The following CTNNA2 variants were observed in gnomAD, a reference collection of about 807,000 sequenced individuals.
The protein encoded by CTNNA2 is catenin alpha-2.
CTNNA2 carries 42 observed loss-of-function variants against 101.0 expected under a neutral mutation model. The observed-to-expected ratio is 0.42, with a 90% CI of 0.32 to 0.54. The LOEUF (loss-of-function observed/expected upper bound fraction) is 0.54, where lower values mean the gene tolerates loss of function less well. Ranked by LOEUF, CTNNA2 falls within the 20% of genes least tolerant of loss-of-function variation. The pLI is 0.14. For missense variants in CTNNA2, 871 were observed against 1,223.1 expected, an observed-to-expected ratio of 0.71 and a Z score of 4.29; for synonymous variants, 450 against 456.4, an observed-to-expected ratio of 0.99 and a Z score of 0.18.
rs116464710 is a variant in CTNNA2 at position 79,889,309 on chromosome 2, A to G, written c.852+14967A>G. ...TATTATGGAAACTTCACTATAACCTATTGAGTCCCATTCTTTATTTCCCCA... is the reference window on the plus strand; with the variant it reads ...TATTATGGAAACTTCACTATAACCTGTTGAGTCCCATTCTTTATTTCCCCA... On this transcript the variant is annotated intron_variant, in intron 6 of 18. Coordinates refer to ENST00000402739, the MANE Select transcript of CTNNA2 (RefSeq NM_001282597.3). Among the ~76,000 whole-genome samples, 421 of 152,280 alleles carry G rather than the reference A, an allele frequency of 2.8e-3. 2 individuals are homozygous for G. The highest frequency in any genetic ancestry group is 9.8e-3 in the African/African-American group (408 of 41,554).
chr2:80,290,598 A>AT (rs112046245), intron 7 of CTNNA2, among the ~76,000 whole-genome samples: 6,412 of 150,848 alleles, frequency 0.043, 434 homozygotes, highest in African/African-American at 0.14. Context: ...CTATTTAGAC[A>AT]TTTTTTTTCC....
chr2:79,196,403 A>C (rs1483403693), intron 1 of CTNNA2, among the ~76,000 whole-genome samples: 1 of 152,184 alleles, frequency 6.6e-6, no homozygotes, highest in East Asian at 1.9e-4. Flanking sequence ...TTTGCAAGTC[A>C]TATTGAGATC....
At chr2:79,828,040 C>A (rs2105409269) in intron 3 of CTNNA2, among the ~76,000 whole-genome samples, 1 of 152,136 alleles carries the variant, frequency 6.6e-6, no homozygotes, top group Admixed American at 6.6e-5. Context: ...TAATAATTGC[C>A]TTTTAGTTAT....
rs558947862 is a variant in CTNNA2 at position 79,655,816 on chromosome 2, G to A, written c.102+4158G>A. Among the ~76,000 whole-genome samples, 119 of 140,574 alleles carry A rather than the reference G, an allele frequency of 8.5e-4. 1 individual carries two copies. The East Asian group carries it at 0.023, about 27-fold the overall frequency. The allele number at this position is 140,574 out of a possible 152,430, so 92.2% of individuals were successfully genotyped here. ...TGCACTCTAACCTGGGCGACAGAGC[G>A]AGACTCCATCTCAAAAAAAAAAAAA... On this transcript the variant is annotated intron_variant, in intron 2 of 18. Transcript: ENST00000402739.
At chr2:80,199,542 T>G (rs2149012949) in intron 7 of CTNNA2, among the ~76,000 whole-genome samples, 1 of 152,296 alleles carries the variant, frequency 6.6e-6, no homozygotes, top group Non-Finnish European at 1.5e-5. Context: ...TTGTCCAGAT[T>G]AATGCCTGAG....
chr2:80,175,957 C>T (rs917801595), intron 7 of CTNNA2, among the ~76,000 whole-genome samples: 2 of 152,210 alleles, frequency 1.3e-5, no homozygotes, highest in African/African-American at 4.8e-5. Context: ...CATTCCTCTG[C>T]CTGCTTTTAT....
At chr2:79,337,984 G>A (rs1677033778) in intron 3 of CTNNA2, among the ~76,000 whole-genome samples, 2 of 152,012 alleles carry the variant, frequency 1.3e-5, no homozygotes, top group Admixed American at 6.6e-5. Flanking sequence ...GGTGGCTCAT[G>A]CTTGTAAACC....
chr2:79,441,268 T>G (rs1678775178), intron 4 of CTNNA2, among the ~76,000 whole-genome samples: 1 of 152,200 alleles, frequency 6.6e-6, no homozygotes, highest in African/African-American at 2.4e-5. Context: ...ACCACCTCTT[T>G]CAGAAACTGT....
At chr2:79,567,458 C>T (rs1020396741) in intron 1 of CTNNA2, among the ~76,000 whole-genome samples, 2 of 152,072 alleles carry the variant, frequency 1.3e-5, no homozygotes, top group African/African-American at 4.8e-5. Context: ...TTGAGATTCA[C>T]ATTTTATGCC....
chr2:79,826,794 G>A (rs1413817167), intron 3 of CTNNA2, among the ~76,000 whole-genome samples: 1 of 152,122 alleles, frequency 6.6e-6, no homozygotes, highest in Non-Finnish European at 1.5e-5. Context: ...CAATCATCAA[G>A]GAAAGAGAAT....
chr2:80,559,265 A>C (rs1352094928), intron 12 of CTNNA2, among the ~76,000 whole-genome samples: 2 of 152,216 alleles, frequency 1.3e-5, no homozygotes, highest in Non-Finnish European at 2.9e-5. Context: ...ATTACAAAGA[A>C]GAATCTGTAA....
At chr2:79,637,140 G>A (rs1440650726) in intron 1 of CTNNA2, among the ~76,000 whole-genome samples, 1 of 152,140 alleles carries the variant, frequency 6.6e-6, no homozygotes, top group Non-Finnish European at 1.5e-5. Context: ...GAAGGAGAAG[G>A]GAAGTATAGA....
In CTNNA2 at chr2:80,540,362, C is replaced by T. The variant is rs568440089; in HGVS notation, c.1291-4620C>T. Among the ~76,000 whole-genome samples, 728 of 152,156 alleles carry T rather than the reference C, an allele frequency of 4.8e-3. 4 individuals carry two copies. Among genetic ancestry groups the T allele is most frequent in the Admixed American group, 7.1e-3 (108 of 15,272 alleles). ...CTGTAATCCTAGCACTTTGGGAGGC[C>T]GAGGCAAGTGGATCACTTGAGGCTA... On this transcript the variant is annotated intron_variant, in intron 9 of 18. Transcript: ENST00000402739.
intron 3 of CTNNA2, among the ~76,000 whole-genome samples, chr2:79,848,689 T>C (rs1464455256): frequency 1.3e-5 from 2 of 152,202 alleles, no homozygotes; most frequent in East Asian, 3.9e-4. Context: ...GTTACTGACA[T>C]TTCTAGTACT....
At chr2:79,278,707 G>A (rs1444356938) in intron 2 of CTNNA2, among the ~76,000 whole-genome samples, 2 of 152,032 alleles carry the variant, frequency 1.3e-5, no homozygotes, top group Non-Finnish European at 1.5e-5. Flanking sequence ...CTACCTCCAG[G>A]CTAATTGCCT....
intron 4 of CTNNA2, among the ~76,000 whole-genome samples, chr2:79,453,836 C>A (rs755219116): frequency 1.1e-4 from 16 of 151,896 alleles, no homozygotes; most frequent in Non-Finnish European, 2.1e-4. Flanking sequence ...GTATGAGAGG[C>A]CATAGAGACA....
In CTNNA2 at chr2:80,302,676, T is replaced by C. The variant is rs1369687043; in HGVS notation, c.1057-90535T>C. The C allele has an allele frequency of 1.2e-6, 2 of 1,612,010 alleles. No individual in the cohort carries two copies. Among genetic ancestry groups the C allele is most frequent in the Non-Finnish European group, 1.7e-6 (2 of 1,179,694 alleles). On this transcript the variant is annotated intron_variant, in intron 7 of 18. Transcript: ENST00000402739. The surrounding 1 kb of genome is among the most constrained non-coding windows in gnomAD (Gnocchi z 6.4). ...GAGCTGGCAGGGGGCCCCAGATCACTGCGGTTGGTGACGGCCGAGAGCAGG... is the reference window on the plus strand; with the variant it reads ...GAGCTGGCAGGGGGCCCCAGATCACCGCGGTTGGTGACGGCCGAGAGCAGG...
At chr2:80,033,032 T>C (rs563633005) in intron 7 of CTNNA2, among the ~76,000 whole-genome samples, 1 of 150,620 alleles carries the variant, frequency 6.6e-6, no homozygotes, top group African/African-American at 2.4e-5. Flanking sequence ...GCGCCTGTAG[T>C]CCCAGATACT....
At chr2:80,033,241 A>T (rs1288591525) in intron 7 of CTNNA2, among the ~76,000 whole-genome samples, 2 of 152,038 alleles carry the variant, frequency 1.3e-5, no homozygotes, top group African/African-American at 4.8e-5. Context: ...TTCATAAGTC[A>T]ATTTCTATAT....
Sources: allele counts gnomAD v4.1 joint callset (sites outside exome capture counted in the v4.1 genomes callset), GRCh38; gene constraint gnomAD v4.1.1; non-coding constraint Gnocchi (gnomAD v3.1); transcripts MANE v1.5; gene names NCBI Gene and HGNC (gene_info 2026-07-23, HGNC 2026-07-21).